The following AGBL1 variants were observed in gnomAD, a reference collection of about 807,000 sequenced individuals.
The protein encoded by AGBL1 is cytosolic carboxypeptidase 4.
AGBL1 carries 130 observed loss-of-function variants against 118.9 expected under a neutral mutation model. The observed-to-expected ratio is 1.09, with a 90% CI of 0.95 to 1.26. AGBL1 has a LOEUF of 1.26. Among genes scored for constraint, AGBL1 ranks in the 50% most tolerant of loss-of-function variants. AGBL1 has a pLI of 0.00. For missense variants in AGBL1, 1,584 were observed against 1,298.1 expected (o/e 1.22, Z -3.38); for synonymous variants, 555 against 478.9 (o/e 1.16, Z -2.08).
At chr15:86,612,007 A>G (rs1363570310) in intron 21 of AGBL1, among the ~76,000 whole-genome samples, 2 of 152,162 alleles carry the variant, frequency 1.3e-5, no homozygotes, top group African/African-American at 2.4e-5. Context: ...GCCCAGTTCA[A>G]AGGAATTTAA....
At chr15:86,337,219 T>A (rs12900184) in intron 17 of AGBL1, among the ~76,000 whole-genome samples, 105,063 of 152,158 alleles carry the variant, frequency 0.69, 37,383 homozygotes, top group Non-Finnish European at 0.78. Context: ...TTCTCATGTG[T>A]TATTTTGTTT....
chr15:86,486,501 G>T (rs867988846), intron 18 of AGBL1, among the ~76,000 whole-genome samples: 1 of 152,052 alleles, frequency 6.6e-6, no homozygotes, highest in African/African-American at 2.4e-5. Flanking sequence ...CTGGCTGGAC[G>T]TTGGGATCTG....
chr15:86,744,144 C>T (rs181009391), intron 22 of AGBL1, among the ~76,000 whole-genome samples: 1 of 152,204 alleles, frequency 6.6e-6, no homozygotes, highest in African/African-American at 2.4e-5. Flanking sequence ...GTTTAAAACA[C>T]AAACATTTCC....
rs143802339 is a variant in AGBL1, at chr15:86,083,908, A to G, written c.51+3885A>G. ...GACGCTGAGCTTTTCCCTTGGACTTAAACAGAAGGATTTGGACAATCAAGG... is the reference window on the plus strand; with the variant it reads ...GACGCTGAGCTTTTCCCTTGGACTTGAACAGAAGGATTTGGACAATCAAGG... On this transcript the variant is annotated intron_variant, in intron 1 of 22. Transcript: ENST00000614907. 6.2e-4 allele frequency among the ~76,000 whole-genome samples: 94 copies of G among 152,330 alleles called. 3 individuals are homozygous for G. The highest frequency in any genetic ancestry group is 2.2e-3 in the African/African-American group (93 of 41,572).
intron 19 of AGBL1, among the ~76,000 whole-genome samples, chr15:86,536,013 C>G (rs969890039): frequency 1.3e-5 from 2 of 152,114 alleles, no homozygotes; most frequent in African/African-American, 4.8e-5. Flanking sequence ...GTTCCATAGT[C>G]AGGAAGGACA....
intron 20 of AGBL1, among the ~76,000 whole-genome samples, chr15:86,554,048 CG>C (rs1483366883): frequency 1.3e-5 from 2 of 151,838 alleles, no homozygotes; most frequent in African/African-American, 4.8e-5. Flanking sequence ...TTTAGTAAGA[CG>C]GGGTTTCACC....
chr15:86,971,001 G>A (rs955472811), intron 23 of AGBL1, among the ~76,000 whole-genome samples: 1 of 152,020 alleles, frequency 6.6e-6, no homozygotes, highest in Non-Finnish European at 1.5e-5. Context: ...GAGAATGTGT[G>A]TAGATGATAT....
At chr15:87,008,078 T>C (rs1020280330) in intron 24 of AGBL1, among the ~76,000 whole-genome samples, 3 of 152,188 alleles carry the variant, frequency 2.0e-5, no homozygotes, top group African/African-American at 4.8e-5. Flanking sequence ...GATTAAGAAA[T>C]ATGCAGATAG....
intron 17 of AGBL1, chr15:86,312,511 C>T (rs2079935890): frequency 6.6e-6 from 1 of 152,196 alleles, no homozygotes; most frequent in Non-Finnish European, 1.5e-5. Flanking sequence ...CAAGTTCTCC[C>T]CTTAAGCAAC....
chr15:86,703,810 C>T (rs2086401118), intron 22 of AGBL1, among the ~76,000 whole-genome samples: 1 of 152,044 alleles, frequency 6.6e-6, no homozygotes, highest in Non-Finnish European at 1.5e-5. Context: ...GGCCTCCCTG[C>T]CCATGTGGAA....
intron 23 of AGBL1, among the ~76,000 whole-genome samples, chr15:86,948,814 G>GT (rs533992742): frequency 1.1e-3 from 172 of 152,370 alleles, no homozygotes; most frequent in Middle Eastern, 3.4e-3. Context: ...TCTTGGACGA[G>GT]TGAGATGTCA....
At chr15:86,937,431 G>A (rs1403872804) in intron 23 of AGBL1, among the ~76,000 whole-genome samples, 1 of 152,108 alleles carries the variant, frequency 6.6e-6, no homozygotes. Context: ...GACTGGATAA[G>A]TGTAATACAT....
At chr15:86,143,584 A>C in intron 2 of AGBL1, 115 bp from the exon 3 acceptor site, 1 of 1,294,040 alleles carries the variant, frequency 7.7e-7, no homozygotes, top group Non-Finnish European at 1.1e-6. Flanking sequence ...ACATAATTTT[A>C]CGTAGTTGAA....
In AGBL1 at chr15:87,007,716, T is replaced by C. The variant is rs1311603463; in HGVS notation, c.3323+19628T>C. Among the ~76,000 whole-genome samples, 4 of 152,304 alleles carry C rather than the reference T, an allele frequency of 2.6e-5. No homozygotes were observed. In the East Asian group the frequency reaches 7.7e-4, roughly 29 times the overall value. On this transcript the variant is annotated intron_variant, in intron 24 of 24. Transcript: ENST00000441037. Reference sequence around the variant, plus strand: ...GTGGAAGAATCAGCTCAGTTAGATATGTAAGTGAATCCATCACAGGAGCAA... The same window carrying C: ...GTGGAAGAATCAGCTCAGTTAGATACGTAAGTGAATCCATCACAGGAGCAA...
In AGBL1 at chr15:86,257,994, T is replaced by G. The variant is rs548411308; in HGVS notation, c.932T>G (p.Val311Gly). The G allele has an allele frequency of 5.6e-6, 9 of 1,613,764 alleles. No homozygotes were observed. The African/African-American group carries it at 8.0e-5, about 14-fold the overall frequency. Residue 311 changes from valine (V) to glycine (G), a missense_variant, in exon 9 of 23, where the codon GTG becomes GGG. Val to Gly is a moderately radical substitution (Grantham distance 109, BLOSUM62 -3). Transcript: ENST00000614907. Reference sequence around the variant, plus strand: ...TTTGAAGATGATGGCGATGATGAAGTGGACAAAGACTCTGATACTGAAGAT... The same window carrying G: ...TTTGAAGATGATGGCGATGATGAAGGGGACAAAGACTCTGATACTGAAGAT... ...EDFEDDGDDEVDKDSDTEDGK... is the reference protein window; with the variant it reads ...EDFEDDGDDEGDKDSDTEDGK...
intron 21 of AGBL1, among the ~76,000 whole-genome samples, chr15:86,609,416 T>C (rs16977842): frequency 0.019 from 2,894 of 152,288 alleles, 94 homozygotes; most frequent in African/African-American, 0.065. Flanking sequence ...GGCAGAGAAG[T>C]CTGGTGCCTG....
chr15:86,630,654 T>C (rs1286813694), intron 21 of AGBL1: 1 of 152,252 alleles, frequency 6.6e-6, no homozygotes, highest in Non-Finnish European at 1.5e-5. Flanking sequence ...CAGAGGTGCA[T>C]TTCAGCTTCT....
intron 5 of AGBL1, among the ~76,000 whole-genome samples, chr15:86,184,434 T>TC (rs1491496125): frequency 1.6e-5 from 2 of 128,490 alleles, no homozygotes; most frequent in African/African-American, 5.8e-5. Context: ...TTTTTCTTTC[T>TC]TTTTTTTTTT....
At chr15:86,780,156 A>G (rs552004004) in intron 22 of AGBL1, among the ~76,000 whole-genome samples, 23 of 152,078 alleles carry the variant, frequency 1.5e-4, no homozygotes, top group African/African-American at 4.6e-4. Flanking sequence ...ATTTCTGTAT[A>G]TAATATGATG....
Sources: gnomAD v4.1 joint callset for allele counts (sites outside exome capture counted in the v4.1 genomes callset) on GRCh38, gnomAD v4.1.1 for gene constraint, MANE v1.5 for transcripts, NCBI Gene and HGNC (gene_info 2026-07-23, HGNC 2026-07-21) for gene names.